BRPF1: variants seen among roughly 807,000 people sequenced by gnomAD.
BRPF1 encodes the protein peregrin.
BRPF1 carries 15 observed loss-of-function variants against 115.0 expected under a neutral mutation model. The ratio of observed to expected loss-of-function variants is 0.13; its 90% CI spans 0.09 to 0.20. The LOEUF (loss-of-function observed/expected upper bound fraction) is 0.20. Among genes scored for constraint, BRPF1 ranks in the 10% least tolerant of loss-of-function variants. BRPF1 has a pLI of 1.00. For missense variants in BRPF1, 1,118 were observed against 1,638.3 expected, an observed-to-expected ratio of 0.68 and a Z score of 5.48; for synonymous variants, 647 against 619.8, an observed-to-expected ratio of 1.04 and a Z score of -0.65.
intron 9 of BRPF1, among the ~76,000 whole-genome samples, 170 bp from the exon 10 acceptor site, chr3:9,744,838 G>C (rs1485335269): frequency 6.6e-6 from 1 of 152,228 alleles, no homozygotes; most frequent in Admixed American, 6.5e-5. Context: ...GAGCAGGGCT[G>C]TGGCCAACTG....
chr3:9,741,319 G>A lies in BRPF1; in HGVS notation c.1734G>A (p.Glu578=), dbSNP rs755681081. ...RNCDQVGRDS[E]DKNWALKEQL... ...TTTTGCCTCTACAGAGAGATTCTGA[G>A]GATAAGAACTGGGCCCTTAAAGAAC... is the stretch of plus-strand genomic sequence containing the variant. The change falls in exon 5 of 14, where the codon GAG becomes GAA. Residue 578 remains glutamate (E), a synonymous_variant. Coordinates refer to ENST00000383829, the MANE Select transcript of BRPF1 (RefSeq NM_001003694.2). 3.8e-6 allele frequency: 6 copies of A among 1,580,804 alleles called. No homozygotes were observed. The highest frequency in any genetic ancestry group is 3.4e-5 in the South Asian group (3 of 88,230).
At chr3:9,738,580 TC>T (rs1234882957) in intron 2 of BRPF1, among the ~76,000 whole-genome samples, 1 of 152,200 alleles carries the variant, frequency 6.6e-6, no homozygotes, top group Non-Finnish European at 1.5e-5. Flanking sequence ...CCAATGACCT[TC>T]CTTCTTCCCC....
In BRPF1 at chr3:9,743,635, A is replaced by G; in HGVS notation, c.2369A>G (p.Glu790Gly). Residue 790 changes from glutamate to glycine, a missense_variant, in exon 8 of 14, where the codon GAA (glutamate) becomes GGA (glycine). Around this residue, in one of 10 missense-constraint regions of BRPF1, gnomAD observed 223 missense variants for 240.7 expected, o/e 0.93. Transcript: ENST00000383829. The surrounding 1 kb of genome is among the most constrained non-coding windows in gnomAD (Gnocchi z 6.1). Reference protein sequence around the residue: ...LENQKHLPVEEQLKLLLERLD... With the variant: ...LENQKHLPVEGQLKLLLERLD... ...AACCAGAAGCACCTGCCAGTGGAAG[A>G]ACAGCTAAAGCTGCTTCTGGAGCGG... 1 of 1,613,954 alleles carries G rather than the reference A, an allele frequency of 6.2e-7. No individual in the cohort carries two copies. Among genetic ancestry groups the G allele is most frequent in the Non-Finnish European group, 8.5e-7 (1 of 1,180,006 alleles).
intron 4 of BRPF1, 30 bp from the exon 5 acceptor site, chr3:9,741,278 C>T (rs2077024688): frequency 1.3e-6 from 2 of 1,537,586 alleles, no homozygotes; most frequent in East Asian, 2.3e-5. Context: ...GCTTTCTAAT[C>T]ATCCTCTGAT....
At position 9,734,281 on chromosome 3, in the gene BRPF1, C is replaced by T. The variant is rs146653692; in HGVS notation, c.141C>T (p.His47=). 1,177 of 1,614,070 alleles carry T rather than the reference C, an allele frequency of 7.3e-4. 2 individuals carry two copies. The highest frequency in any genetic ancestry group is 5.9e-4 in the Non-Finnish European group (692 of 1,180,018). Residue 47 remains histidine, a synonymous_variant, in exon 2 of 14, where the codon CAC becomes CAT. Transcript: ENST00000383829. The surrounding 1 kb of genome is among the most constrained non-coding windows in gnomAD (Gnocchi z 5.7). ...AGTACCACCTGTACCACTATGACCA[C>T]GACAACCCACCACCCCCACAACAAA... ...GIEYHLYHYD[H]DNPPPPQQTP...
At position 9,744,253 on chromosome 3, in the gene BRPF1, G is replaced by A. The variant is rs140717916; in HGVS notation, c.2665G>A (p.Ala889Thr). 1.9e-4 allele frequency: 300 copies of A among 1,568,454 alleles called. No individual in the cohort carries two copies. The highest frequency in any genetic ancestry group is 3.1e-4 in the Admixed American group (16 of 51,620). ...GLGPNMSSTPAHEVGRRTSVL... is the reference protein window; with the variant it reads ...GLGPNMSSTPTHEVGRRTSVL... ...GGGTCCCAACATGTCCTCAACCCCCGCACATGAGGTGGGCAGGAGAACCTC... is the reference window on the plus strand; with the variant it reads ...GGGTCCCAACATGTCCTCAACCCCCACACATGAGGTGGGCAGGAGAACCTC... The change falls in exon 9 of 14, where the codon GCA (alanine) becomes ACA (threonine). Residue 889 changes from alanine (A) to threonine (T), a missense_variant. Physicochemically the swap from Ala to Thr is moderately conservative, Grantham distance 58. Around this residue, in one of 10 missense-constraint regions of BRPF1, gnomAD observed 223 missense variants for 240.7 expected, o/e 0.93. Coordinates refer to ENST00000383829, the MANE Select transcript of BRPF1 (RefSeq NM_001003694.2).
In BRPF1 at chr3:9,743,104, A is replaced by C; in HGVS notation, c.2162A>C (p.Tyr721Ser). 1 of 1,614,240 alleles carries C rather than the reference A, an allele frequency of 6.2e-7. No homozygotes were observed. Among genetic ancestry groups the C allele is most frequent in the Non-Finnish European group, 8.5e-7 (1 of 1,180,036 alleles). ...LKYNAKDTIF[Y>S]RAAVRLREQG... Reference sequence around the variant, plus strand: ...TATAACGCCAAGGACACCATCTTCTACCGGGCAGCAGTGCGGCTTCGTGAG... The same window carrying C: ...TATAACGCCAAGGACACCATCTTCTCCCGGGCAGCAGTGCGGCTTCGTGAG... Residue 721 changes from tyrosine (Y) to serine (S), a missense_variant, in exon 7 of 14, where the codon TAC (tyrosine) becomes TCC (serine). Tyr to Ser is a moderately radical substitution (Grantham distance 144, BLOSUM62 -2). This residue lies in a region of BRPF1 where 223 missense variants were observed against 240.7 expected (regional missense o/e 0.93). Transcript: ENST00000383829. This position sits in a 1 kb window ranked among gnomAD's most constrained non-coding sequence, Gnocchi z 6.1.
chr3:9,744,861 C>T, intron 9 of BRPF1, 147 bp from the exon 10 acceptor site: 1 of 1,071,268 alleles, frequency 9.3e-7, no homozygotes, highest in South Asian at 1.3e-5. Context: ...GTAGACACTG[C>T]CCAGAGCTAG....
chr3:9,739,002 C>T lies in BRPF1; in HGVS notation c.603C>T (p.Tyr201=). 1 of 1,557,504 alleles carries T rather than the reference C, an allele frequency of 6.4e-7. No homozygotes were observed. Among genetic ancestry groups the T allele is most frequent in the Non-Finnish European group, 8.7e-7 (1 of 1,150,040 alleles). ...APPRPTSYYR[Y]IEKSAEELDE... ...GAGTTCCCTGTTTGTACCGTAGGTA[C>T]ATCGAGAAGTCTGCAGAGGAGCTGG... The change falls in exon 3 of 14, where the codon TAC becomes TAT. Residue 201 remains tyrosine (Y), a synonymous_variant. Coordinates refer to ENST00000383829, the MANE Select transcript of BRPF1 (RefSeq NM_001003694.2).
chr3:9,743,252 TG>T lies in BRPF1; in HGVS notation c.2311+1del. The part of the protein sequence containing the change: ...GDEATHHTED[A>X]AEEERLVLLE... ...ATGAGGCCACACACCACACTGAAGA[TG>T]GTGGGTGATATATCACACACACATA... On this transcript the variant is annotated frameshift_variant and splice_region_variant, in exon 7 of 14. Transcript: ENST00000383829. LOFTEE classifies it high-confidence loss of function. This position sits in a 1 kb window ranked among gnomAD's most constrained non-coding sequence, Gnocchi z 6.1. 6.2e-7 allele frequency: 1 copy of T among 1,611,336 alleles called. No homozygotes were observed. The highest frequency in any genetic ancestry group is 8.5e-7 in the Non-Finnish European group (1 of 1,178,102).
At chr3:9,736,600 T>A (rs1404307501) in intron 2 of BRPF1, among the ~76,000 whole-genome samples, 1 of 152,192 alleles carries the variant, frequency 6.6e-6, no homozygotes, top group Non-Finnish European at 1.5e-5. Context: ...CCCAGCTCAT[T>A]CAGCTGCTTT....
chr3:9,742,649 A>G, intron 6 of BRPF1: 1 of 702,984 alleles, frequency 1.4e-6, no homozygotes, highest in African/African-American at 1.9e-5. Context: ...TCCCCAAGCC[A>G]TTTTCTTACT....
Position 9,745,525 on chromosome 3 carries a change from C to T in BRPF1, c.3069-48C>T, listed in dbSNP as rs2077108446. ...GCTGAGGGCACATACCATGCTGTTCCCCATTCTTCCCCTCCTTTGAGCTGA... is the reference window on the plus strand; with the variant it reads ...GCTGAGGGCACATACCATGCTGTTCTCCATTCTTCCCCTCCTTTGAGCTGA... On this transcript the variant is annotated intron_variant, in intron 10 of 13. Coordinates refer to ENST00000383829, the MANE Select transcript of BRPF1 (RefSeq NM_001003694.2). This position sits in a 1 kb window ranked among gnomAD's most constrained non-coding sequence, Gnocchi z 5.1. 6 of 1,598,618 alleles carry T rather than the reference C, an allele frequency of 3.8e-6. No homozygotes were observed. The African/African-American group carries it at 4.0e-5, about 11-fold the overall frequency.
At chr3:9,742,525 ACT>A (rs762159096) in intron 6 of BRPF1, 125 of 984,942 alleles carry the variant, frequency 1.3e-4, no homozygotes, top group Admixed American at 2.5e-4. Flanking sequence ...TGACTGGCAG[ACT>A]CTTCTCTCTA....
chr3:9,732,916 T>C (rs1182858458), intron 1 of BRPF1, among the ~76,000 whole-genome samples: 1 of 152,130 alleles, frequency 6.6e-6, no homozygotes, highest in Non-Finnish European at 1.5e-5. Flanking sequence ...TGGGGCAGTC[T>C]CTGACCAAGC....
chr3:9,746,599 G>A (rs1299370585), intron 13 of BRPF1, 145 bp downstream of exon 13: 11 of 1,020,478 alleles, frequency 1.1e-5, no homozygotes, highest in South Asian at 7.0e-5. Context: ...TTTTTTGAGC[G>A]AAAGGGTTGT....
rs1023683723 is a variant in BRPF1, at chr3:9,745,365, A to G, written c.3069-208A>G. ...CCTGGATTAAGGTGATGATTAGAGT[A>G]TGCACTCCTGCCGCCACTGCTCAGG... On this transcript the variant is annotated intron_variant, in intron 10 of 13. Coordinates refer to ENST00000383829, the MANE Select transcript of BRPF1 (RefSeq NM_001003694.2). The surrounding 1 kb of genome is among the most constrained non-coding windows in gnomAD (Gnocchi z 5.1). Among the ~76,000 whole-genome samples the G allele has an allele frequency of 1.3e-5, 2 of 152,266 alleles. No homozygotes were observed. Among genetic ancestry groups the G allele is most frequent in the East Asian group, 1.9e-4 (1 of 5,204 alleles).
intron 2 of BRPF1, among the ~76,000 whole-genome samples, chr3:9,736,607 C>T (rs900938664): frequency 6.6e-6 from 1 of 152,200 alleles, no homozygotes; most frequent in Non-Finnish European, 1.5e-5. Context: ...CATTCAGCTG[C>T]TTTTCTTCCT....
At chr3:9,746,202 C>T in intron 12 of BRPF1, 98 bp from the exon 13 acceptor site, 1 of 1,411,168 alleles carries the variant, frequency 7.1e-7, no homozygotes, top group Non-Finnish European at 9.6e-7. Context: ...ATGATACCCT[C>T]TCTGTCCCCA....
Sources: allele counts gnomAD v4.1 joint callset (sites outside exome capture counted in the v4.1 genomes callset), GRCh38; gene constraint gnomAD v4.1.1; regional missense constraint gnomAD v4.1.1; non-coding constraint Gnocchi (gnomAD v3.1); transcripts MANE v1.5; gene names NCBI Gene and HGNC (gene_info 2026-07-23, HGNC 2026-07-21).